The following ODAD2 variants were observed in gnomAD, a reference collection of about 807,000 sequenced individuals.
ODAD2 encodes outer dynein arm docking complex subunit 2.
In ODAD2, 89 loss-of-function variants were observed where a neutral mutation model predicts 106.8. The ratio of observed to expected loss-of-function variants is 0.83; its 90% CI spans 0.70 to 0.99. The LOEUF is 0.99. ODAD2 is among the 50% of genes least tolerant of loss of function. ODAD2 has a pLI of 0.00. For synonymous variants in ODAD2, 404 were observed against 436.2 expected (o/e 0.93, Z 0.92); for missense variants, 1,168 against 1,238.5 (o/e 0.94, Z 0.85).
At chr10:27,920,329 C>G (rs1423081325) in intron 16 of ODAD2, among the ~76,000 whole-genome samples, 14 of 152,012 alleles carry the variant, frequency 9.2e-5, no homozygotes, top group Non-Finnish European at 1.5e-4. Flanking sequence ...ATTGTGAACA[C>G]ACATATACAC....
chr10:27,851,718 G>A (rs927839198), intron 19 of ODAD2, among the ~76,000 whole-genome samples: 2 of 152,116 alleles, frequency 1.3e-5, no homozygotes, highest in African/African-American at 2.4e-5. Context: ...TGAAAGTGGC[G>A]TTTACAAGGA....
intron 10 of ODAD2, among the ~76,000 whole-genome samples, chr10:27,958,061 ATC>A (rs1847854334): frequency 6.6e-6 from 1 of 152,216 alleles, no homozygotes; most frequent in Admixed American, 6.5e-5. Flanking sequence ...TAAAATATTT[ATC>A]TGTGTCAAAA....
intron 10 of ODAD2, among the ~76,000 whole-genome samples, chr10:27,947,384 G>A (rs1254247262): frequency 1.3e-5 from 2 of 152,106 alleles, no homozygotes; most frequent in Non-Finnish European, 2.9e-5. Context: ...AGGATCGCTT[G>A]AGCCTGGGAG....
At chr10:27,881,148 G>GCA (rs1841679359) in intron 17 of ODAD2, among the ~76,000 whole-genome samples, 1 of 152,192 alleles carries the variant, frequency 6.6e-6, no homozygotes, top group Non-Finnish European at 1.5e-5. Context: ...CATACAGCAA[G>GCA]ATGTCTGGTA....
At chr10:27,867,149 G>C (rs915039819) in intron 17 of ODAD2, among the ~76,000 whole-genome samples, 2 of 152,032 alleles carry the variant, frequency 1.3e-5, no homozygotes, top group Non-Finnish European at 2.9e-5. Flanking sequence ...TGACCCCAAA[G>C]CACAAGCAGA....
chr10:27,872,446 G>C (rs1840970759), intron 17 of ODAD2, among the ~76,000 whole-genome samples: 1 of 151,784 alleles, frequency 6.6e-6, no homozygotes, highest in Non-Finnish European at 1.5e-5. Context: ...TTTTCAAAGG[G>C]AATGCTTCCA....
chr10:27,961,540 C>A, intron 10 of ODAD2, 28 bp downstream of exon 10: 2 of 1,578,386 alleles, frequency 1.3e-6, no homozygotes, highest in Non-Finnish European at 1.7e-6. Flanking sequence ...ATGAACATTG[C>A]AAACATACTA....
At chr10:27,978,887 TG>T (rs1849358066) in intron 7 of ODAD2, among the ~76,000 whole-genome samples, 3 of 151,646 alleles carry the variant, frequency 2.0e-5, no homozygotes, top group Admixed American at 6.6e-5. Flanking sequence ...TCAGGCTCAA[TG>T]GTGAAAGCCT....
chr10:27,839,429 AG>A (rs1227165010), intron 19 of ODAD2, among the ~76,000 whole-genome samples: 4 of 152,222 alleles, frequency 2.6e-5, no homozygotes, highest in African/African-American at 7.2e-5. Context: ...ACCAAACAAA[AG>A]CAAAAGATGA....
intron 19 of ODAD2, among the ~76,000 whole-genome samples, chr10:27,821,175 G>A (rs1836578352): frequency 6.6e-6 from 1 of 152,146 alleles, no homozygotes; most frequent in African/African-American, 2.4e-5. Flanking sequence ...TCTCAATCAA[G>A]GGTGTAGAAT....
chr10:27,891,741 G>A (rs11595397), intron 17 of ODAD2, among the ~76,000 whole-genome samples: 67,832 of 151,824 alleles, frequency 0.45, 16,804 homozygotes, highest in Middle Eastern at 0.61. Flanking sequence ...ACTATCTTGC[G>A]ATATTCACAA....
intron 2 of ODAD2, 51 bp from the exon 3 acceptor site, chr10:27,987,594 T>C (rs974014432): frequency 5.1e-6 from 7 of 1,362,580 alleles, no homozygotes; most frequent in Admixed American, 2.3e-5. Context: ...TAGAGGTCAG[T>C]AGAAGTTAAA....
Position 27,862,613 on chromosome 10 carries a change from C to T in ODAD2, c.2620G>A (p.Glu874Lys). ...PCIKNAKDAG[E>K]MVRSFVGGLE... Reference sequence around the variant, plus strand: ...CCACCAACAAAGGAACGAACCATTTCCCCAGCATCCTAGACAAAAATAAAA... The same window carrying T: ...CCACCAACAAAGGAACGAACCATTTTCCCAGCATCCTAGACAAAAATAAAA... The change falls in exon 18 of 20, where the codon GAA becomes AAA. Residue 874 changes from glutamate to lysine, a missense_variant. By Grantham distance (56) the Glu-to-Lys change is moderately conservative. Around this residue, in one of 3 missense-constraint regions of ODAD2, gnomAD observed 701 missense variants for 712.3 expected, o/e 0.98. Coordinates refer to ENST00000305242, the MANE Select transcript of ODAD2 (RefSeq NM_018076.5). 1 of 1,599,478 alleles carries T rather than the reference C, an allele frequency of 6.3e-7. No homozygotes were observed. Among genetic ancestry groups the T allele is most frequent in the Non-Finnish European group, 8.5e-7 (1 of 1,174,172 alleles).
chr10:27,982,323 T>A (rs1041168209), intron 6 of ODAD2, among the ~76,000 whole-genome samples: 1 of 152,198 alleles, frequency 6.6e-6, no homozygotes, highest in African/African-American at 2.4e-5. Context: ...TTATGGTCCT[T>A]GTCTTTCATT....
intron 16 of ODAD2, among the ~76,000 whole-genome samples, chr10:27,930,544 G>A (rs1845542438): frequency 6.6e-6 from 1 of 150,922 alleles, no homozygotes; most frequent in Non-Finnish European, 1.5e-5. Flanking sequence ...AGAGAATGGC[G>A]TGAACCCGGG....
At chr10:27,848,415 A>G (rs2133196415) in intron 19 of ODAD2, among the ~76,000 whole-genome samples, 1 of 152,328 alleles carries the variant, frequency 6.6e-6, no homozygotes, top group South Asian at 2.1e-4. Context: ...TTATACAAAA[A>G]TTGATTCAAG....
chr10:27,830,889 T>G (rs1489613055), intron 19 of ODAD2, among the ~76,000 whole-genome samples: 1 of 152,254 alleles, frequency 6.6e-6, no homozygotes, highest in East Asian at 1.9e-4. Flanking sequence ...ATCTTATACT[T>G]CTGGCAAGAT....
chr10:27,933,293 C>T (rs560206645), intron 16 of ODAD2, among the ~76,000 whole-genome samples: 4 of 152,080 alleles, frequency 2.6e-5, no homozygotes, highest in South Asian at 2.1e-4. Flanking sequence ...TAACTCCAGA[C>T]AATTGATATT....
intron 13 of ODAD2, 89 bp downstream of exon 13, chr10:27,940,474 C>T (rs1284678284): frequency 6.7e-7 from 1 of 1,498,042 alleles, no homozygotes; most frequent in Non-Finnish European, 9.1e-7. Flanking sequence ...AAAGAATGTC[C>T]TTGAGCCATC....
Sources: gnomAD v4.1 joint callset for allele counts (sites outside exome capture counted in the v4.1 genomes callset) on GRCh38, gnomAD v4.1.1 for gene constraint, gnomAD v4.1.1 regional missense constraint, MANE v1.5 for transcripts, NCBI Gene and HGNC (gene_info 2026-07-23, HGNC 2026-07-21) for gene names.